Variants in MTG1 observed in about 807,000 individuals in gnomAD.
The protein encoded by MTG1 is mitochondrial ribosome associated GTPase 1, also known as mitochondrial ribosome-associated GTPase 1.
Under a neutral mutation model 39.5 loss-of-function variants are expected in MTG1, and 30 were observed. The observed-to-expected ratio is 0.76, with a 90% CI of 0.57 to 1.03. The LOEUF (loss-of-function observed/expected upper bound fraction) is 1.03, where lower values mean the gene tolerates loss of function less well. Among genes scored for constraint, MTG1 ranks in the 50% least tolerant of loss-of-function variants. The pLI, the probability that MTG1 is intolerant of heterozygous loss-of-function variation, is 0.00. For missense variants in MTG1, 513 were observed against 447.4 expected (o/e 1.15, Z -1.32); for synonymous variants, 217 against 179.0 (o/e 1.21, Z -1.69).
chr10:133,402,160 G>T lies in MTG1; in HGVS notation c.585G>T (p.Arg195=). The T allele has an allele frequency of 6.2e-7, 1 of 1,614,026 alleles. No individual in the cohort carries two copies. Among genetic ancestry groups the T allele is most frequent in the Non-Finnish European group, 8.5e-7 (1 of 1,179,996 alleles). ...AVMSKIQVSE[R]PLMFLLDTPG... ...CTGTGCCCACACAGGTCTCTGAGCG[G>T]CCCCTGATGTTCCTGTTGGACACTC... is the stretch of plus-strand genomic sequence containing the variant. Residue 195 remains arginine (R), a synonymous_variant, in exon 8 of 11, where the codon CGG becomes CGT. Coordinates refer to ENST00000317502, the MANE Select transcript of MTG1 (RefSeq NM_138384.4). The surrounding 1 kb of genome is among the most constrained non-coding windows in gnomAD (Gnocchi z 4.7).
chr10:133,396,792 A>G (rs891444441), intron 3 of MTG1, among the ~76,000 whole-genome samples: 1 of 152,238 alleles, frequency 6.6e-6, no homozygotes, highest in Admixed American at 6.5e-5. Context: ...CTGAGGGGAC[A>G]TAGTGAGACG....
intron 10 of MTG1, among the ~76,000 whole-genome samples, 200 bp downstream of exon 10, chr10:133,419,792 C>A (rs1850198819): frequency 6.6e-6 from 1 of 152,204 alleles, no homozygotes; most frequent in Admixed American, 6.5e-5. Context: ...GAGGGTGAGA[C>A]CAGCCCTGCC....
In MTG1 at chr10:133,415,785, G is replaced by C. The variant is rs79628811; in HGVS notation, c.753-3695G>C. ...TGCATCATTTTGAAACTTCATATCT[G>C]CAGGTGTTTTTTCTGTCCCTCTACT... On this transcript the variant is annotated intron_variant, in intron 9 of 10. Coordinates refer to ENST00000317502, the MANE Select transcript of MTG1 (RefSeq NM_138384.4). 5.7e-3 allele frequency among the ~76,000 whole-genome samples: 875 copies of C among 152,298 alleles called. 4 individuals are homozygous for C. The highest frequency in any genetic ancestry group is 0.01 in the Non-Finnish European group (708 of 68,036).
At chr10:133,414,815 G>A (rs111890299) in intron 9 of MTG1, among the ~76,000 whole-genome samples, 1,739 of 152,336 alleles carry the variant, frequency 0.011, 39 homozygotes, top group African/African-American at 0.039. Context: ...CAAGGCAGGC[G>A]GCTGGGAGGT....
Position 133,419,569 on chromosome 10 carries a change from A to G in MTG1, c.842A>G (p.Lys281Arg). 1 of 1,608,032 alleles carries G rather than the reference A, an allele frequency of 6.2e-7. No individual in the cohort carries two copies. Among genetic ancestry groups the G allele is most frequent in the South Asian group, 1.1e-5 (1 of 89,852 alleles). The change falls in exon 10 of 11, where the codon AAG (lysine) becomes AGG (arginine). Residue 281 changes from lysine (K) to arginine (R), a missense_variant. Coordinates refer to ENST00000317502, the MANE Select transcript of MTG1 (RefSeq NM_138384.4). ...SVAVKLGKTQ[K>R]VKVLTGTGNV... ...GCTGTGAAGCTGGGGAAGACGCAGA[A>G]GGTGAAGGTGCTCACGGGCACGGGT... is the stretch of plus-strand genomic sequence containing the variant.
Position 133,402,011 on chromosome 10 carries a change from A to C in MTG1, c.574-138A>C. 1 of 883,296 alleles carries C rather than the reference A, an allele frequency of 1.1e-6. No homozygotes were observed. Among genetic ancestry groups the C allele is most frequent in the Non-Finnish European group, 1.8e-6 (1 of 556,054 alleles). The allele number at this position is 883,296 out of a possible 1,614,324, so 54.7% of individuals were successfully genotyped here. A position where few individuals can be genotyped will look rare whatever the true frequency, so the allele number is the denominator to read the frequency against. Reference sequence around the variant, plus strand: ...CTGGGGAACCCTGGAGCTTGGTGAGAGTGACGCTGCCATGGGGTTGGGTCC... The same window carrying C: ...CTGGGGAACCCTGGAGCTTGGTGAGCGTGACGCTGCCATGGGGTTGGGTCC... On this transcript the variant is annotated intron_variant, in intron 7 of 10. Transcript: ENST00000317502. This position sits in a 1 kb window ranked among gnomAD's most constrained non-coding sequence, Gnocchi z 4.7.
At chr10:133,412,275 A>AT (rs1850058191) in intron 9 of MTG1, among the ~76,000 whole-genome samples, 1 of 152,118 alleles carries the variant, frequency 6.6e-6, no homozygotes, top group African/African-American at 2.4e-5. Flanking sequence ...CATTCCCTCT[A>AT]TTAACTCTTC....
In MTG1 at chr10:133,421,175, G is replaced by C. The variant is rs958207179; in HGVS notation, c.*1010G>C. The C allele has an allele frequency of 6.6e-6, 1 of 152,622 alleles. No individual in the cohort carries two copies. The highest frequency in any genetic ancestry group is 2.4e-5 in the African/African-American group (1 of 41,432). The allele number at this position is 152,622 out of a possible 1,614,324, so 9.5% of individuals were successfully genotyped here. ...TCTTTGCTGGCTGGCTGCCTCTGCT[G>C]CCCCATACCCCACACACTCATCAGC... On this transcript the variant is annotated 3_prime_UTR_variant, in exon 11 of 11. Transcript: ENST00000317502.
At chr10:133,419,884 TTTTC>T in intron 10 of MTG1, 138 bp from the exon 11 acceptor site, 1 of 1,066,488 alleles carries the variant, frequency 9.4e-7, no homozygotes, top group Non-Finnish European at 1.3e-6. Context: ...GCTCAAGCTG[TTTTC>T]TTTCTGAGTG....
chr10:133,406,960 C>T (rs1806762235), intron 9 of MTG1, among the ~76,000 whole-genome samples: 1 of 152,068 alleles, frequency 6.6e-6, no homozygotes, highest in Non-Finnish European at 1.5e-5. Flanking sequence ...GTCTTTAATC[C>T]CTTTTGATTT....
intron 9 of MTG1, among the ~76,000 whole-genome samples, chr10:133,407,957 A>G (rs1252914256): frequency 6.6e-6 from 1 of 152,158 alleles, no homozygotes; most frequent in Non-Finnish European, 1.5e-5. Context: ...ATCAGTTCTA[A>G]TAGTTTTTTG....
chr10:133,415,857 AGGTG>A (rs1252265586), intron 9 of MTG1, among the ~76,000 whole-genome samples: 1 of 151,898 alleles, frequency 6.6e-6, no homozygotes, highest in Non-Finnish European at 1.5e-5. Flanking sequence ...GGTATCAGGC[AGGTG>A]GGTATCAGGC....
At position 133,422,131 on chromosome 10, in the gene MTG1, G is replaced by C. The variant is rs1415987684; in HGVS notation, c.*1966G>C. The C allele has an allele frequency of 6.5e-6, 1 of 152,930 alleles. No homozygotes were observed. The highest frequency in any genetic ancestry group is 1.5e-5 in the Non-Finnish European group (1 of 68,450). The allele number at this position is 152,930 out of a possible 1,614,324, so 9.5% of individuals were successfully genotyped here. ...GTCTCTCCTGTCCTTGGATGTTGGG[G>C]GGCTCAGCCTCTTGCATGGGTGTCC... On this transcript the variant is annotated 3_prime_UTR_variant, in exon 11 of 11. Coordinates refer to ENST00000317502, the MANE Select transcript of MTG1 (RefSeq NM_138384.4).
At chr10:133,395,353 CCACTG>C (rs1317865249) in intron 1 of MTG1, among the ~76,000 whole-genome samples, 2 of 152,202 alleles carry the variant, frequency 1.3e-5, no homozygotes, top group East Asian at 3.8e-4. Context: ...CGAGATCGTG[CCACTG>C]CACTCCAGCC....
At chr10:133,406,681 T>A (rs923750840) in intron 9 of MTG1, among the ~76,000 whole-genome samples, 1 of 150,192 alleles carries the variant, frequency 6.7e-6, no homozygotes, top group African/African-American at 2.4e-5. Context: ...TTTTTTTTTT[T>A]TTGAGAAGGA....
chr10:133,418,689 G>A (rs1035687100), intron 9 of MTG1, among the ~76,000 whole-genome samples: 5 of 152,174 alleles, frequency 3.3e-5, no homozygotes, highest in African/African-American at 1.2e-4. Context: ...CCAGGTCCGA[G>A]GGCACCAGCC....
chr10:133,420,889 G>T lies in MTG1; in HGVS notation c.*724G>T, dbSNP rs1329151. 81,665 of 152,350 alleles carry T rather than the reference G, an allele frequency of 0.54. 24,827 individuals carry two copies. The highest frequency in any genetic ancestry group is 0.68 in the Non-Finnish European group (46,263 of 68,080). The allele number at this position is 152,350 out of a possible 1,614,324, so 9.4% of individuals were successfully genotyped here. ...GGCCTCTGAGCACCTTCTAGCTCAC[G>T]GGTAGTGGGATTCTGCATTAGTGGG... On this transcript the variant is annotated 3_prime_UTR_variant, in exon 11 of 11. Coordinates refer to ENST00000317502, the MANE Select transcript of MTG1 (RefSeq NM_138384.4).
chr10:133,408,511 G>A (rs184095568), intron 9 of MTG1, among the ~76,000 whole-genome samples: 11 of 152,258 alleles, frequency 7.2e-5, no homozygotes, highest in South Asian at 2.1e-4. Flanking sequence ...TTGGCCTGTC[G>A]TTTTCTTTTT....
At chr10:133,398,394 C>G (rs778280316) in intron 3 of MTG1, 41 bp from the exon 4 acceptor site, 8 of 1,596,728 alleles carry the variant, frequency 5.0e-6, no homozygotes, top group Middle Eastern at 1.7e-4. Flanking sequence ...AGCCAAGACT[C>G]CAGTAAAAAA....
Sources: allele counts gnomAD v4.1 joint callset (sites outside exome capture counted in the v4.1 genomes callset), GRCh38; gene constraint gnomAD v4.1.1; non-coding constraint Gnocchi (gnomAD v3.1); transcripts MANE v1.5; gene names NCBI Gene and HGNC (gene_info 2026-07-23, HGNC 2026-07-21).